JAK1: variants seen among roughly 807,000 people sequenced by gnomAD.
The protein encoded by JAK1 is tyrosine-protein kinase JAK1.
A neutral mutation model predicts 136.6 loss-of-function variants in JAK1; 16 were observed. The observed-to-expected ratio is 0.12, with a 90% CI of 0.08 to 0.18. The LOEUF (loss-of-function observed/expected upper bound fraction) is 0.18, where lower values mean the gene tolerates loss of function less well. Ranked by LOEUF, JAK1 falls within the 10% of genes least tolerant of loss-of-function variation. JAK1 has a pLI of 1.00. For missense variants in JAK1, 859 were observed against 1,450.1 expected (o/e 0.59, Z 6.62); for synonymous variants, 492 against 519.5 (o/e 0.95, Z 0.72).
At chr1:64,937,087 C>T (rs1424913260) in intron 1 of JAK1, among the ~76,000 whole-genome samples, 1 of 151,758 alleles carries the variant, frequency 6.6e-6, no homozygotes, top group African/African-American at 2.4e-5. Context: ...TCCTCCCCAC[C>T]CCCAGTTTGG....
chr1:64,940,573 T>C (rs1969026), intron 1 of JAK1, among the ~76,000 whole-genome samples: 2,906 of 152,232 alleles, frequency 0.019, 30 homozygotes, highest in Non-Finnish European at 0.029. Context: ...CACCTCGGCC[T>C]CCCAAACTGC....
intron 13 of JAK1, 73 bp from the exon 14 acceptor site, chr1:64,846,809 G>T: frequency 1.1e-5 from 13 of 1,189,688 alleles, no homozygotes; most frequent in Non-Finnish European, 1.6e-5. Flanking sequence ...CTCTGTTGAG[G>T]GGAAAGCCAG....
intron 8 of JAK1, among the ~76,000 whole-genome samples, chr1:64,862,725 T>C (rs1656427955): frequency 6.6e-6 from 1 of 152,182 alleles, no homozygotes; most frequent in Non-Finnish European, 1.5e-5. Flanking sequence ...CATGGACATG[T>C]CAGCCTCTCC....
At chr1:64,837,278 T>C (rs1240194641) in intron 22 of JAK1, among the ~76,000 whole-genome samples, 3 of 152,202 alleles carry the variant, frequency 2.0e-5, no homozygotes, top group Non-Finnish European at 4.4e-5. Context: ...TGAGTAAGTT[T>C]AGGCTCCATA....
rs1646576527 is a variant in JAK1, at chr1:64,984,165, A to C, written c.-78+60315T>G. On this transcript the variant is annotated intron_variant, in intron 2 of 25. Coordinates refer to the JAK1 transcript ENST00000671954. The surrounding 1 kb of genome is among the most constrained non-coding windows in gnomAD (Gnocchi z 4.1). ...GGTAAAAATAAATAAAACTCAAGTT[A>C]ATTTGCTGTGTACAGCTGTATGGAA... 6.6e-6 allele frequency among the ~76,000 whole-genome samples: 1 copy of C among 152,218 alleles called. No individual in the cohort carries two copies. The highest frequency in any genetic ancestry group is 1.5e-5 in the Non-Finnish European group (1 of 68,036).
At chr1:64,940,705 C>T (rs1645874448) in intron 1 of JAK1, among the ~76,000 whole-genome samples, 1 of 152,156 alleles carries the variant, frequency 6.6e-6, no homozygotes, top group Non-Finnish European at 1.5e-5. Context: ...GAAATTTAAA[C>T]CCAGGTCTTT....
At chr1:64,977,259 C>T (rs1188389547) in intron 2 of JAK1, among the ~76,000 whole-genome samples, 2 of 152,150 alleles carry the variant, frequency 1.3e-5, no homozygotes, top group Non-Finnish European at 2.9e-5. Context: ...GGCCATCCTC[C>T]CACCTCAGCC....
Position 64,834,561 on chromosome 1 carries a change from C to T in JAK1, c.*1G>A, listed in dbSNP as rs1392797625. 1 of 1,581,572 alleles carries T rather than the reference C, an allele frequency of 6.3e-7. No homozygotes were observed. Among genetic ancestry groups the T allele is most frequent in the East Asian group, 2.2e-5 (1 of 44,644 alleles). On this transcript the variant is annotated 3_prime_UTR_variant, in exon 25 of 25. Coordinates refer to ENST00000342505, the MANE Select transcript of JAK1 (RefSeq NM_002227.4). Reference sequence around the variant, plus strand: ...TGGAATTTAAATGTTATTCATGCTTCTTATTTTAAAAGTGCTTCAAATCCT... The same window carrying T: ...TGGAATTTAAATGTTATTCATGCTTTTTATTTTAAAAGTGCTTCAAATCCT...
rs752145156 is a variant in JAK1 at position 64,860,274 on chromosome 1, G to T, written c.1177-12C>A. ...GAGAGCTTCAGTTCCTGTTGAGAGA[G>T]AAGAAATTCCCACGGTTACATCATG... is the stretch of plus-strand genomic sequence containing the variant. On this transcript the variant is annotated splice_polypyrimidine_tract_variant and intron_variant, in intron 8 of 24. Transcript: ENST00000342505. 6.3e-7 allele frequency: 1 copy of T among 1,595,958 alleles called. No homozygotes were observed. Among genetic ancestry groups the T allele is most frequent in the Non-Finnish European group, 8.6e-7 (1 of 1,169,224 alleles).
chr1:64,999,676 A>T (rs1451667869), intron 2 of JAK1, among the ~76,000 whole-genome samples: 1 of 151,412 alleles, frequency 6.6e-6, no homozygotes, highest in Non-Finnish European at 1.5e-5. Context: ...TCAAGGCTGC[A>T]GTGAGCCATG....
chr1:64,982,124 G>GCA (rs201571086), intron 2 of JAK1, among the ~76,000 whole-genome samples: 7 of 113,220 alleles, frequency 6.2e-5, no homozygotes, highest in African/African-American at 1.1e-4. Context: ...GCACACACAC[G>GCA]CACACACACA....
In JAK1 at chr1:64,838,450, G is replaced by A. The variant is rs751964504; in HGVS notation, c.2967+15C>T. The A allele has an allele frequency of 8.7e-6, 14 of 1,613,088 alleles. No individual in the cohort carries two copies. The highest frequency in any genetic ancestry group is 1.7e-5 in the Admixed American group (1 of 59,922). Reference sequence around the variant, plus strand: ...CTGATGTCTTAATCTGTAACATGATGTCTTTATTTTTTACCTTACAAATCT... The same window carrying A: ...CTGATGTCTTAATCTGTAACATGATATCTTTATTTTTTACCTTACAAATCT... On this transcript the variant is annotated intron_variant, in intron 21 of 24. Transcript: ENST00000342505.
intron 1 of JAK1, among the ~76,000 whole-genome samples, chr1:65,052,620 T>C (rs894606481): frequency 3.9e-5 from 6 of 151,998 alleles, no homozygotes; most frequent in Non-Finnish European, 7.4e-5. Context: ...GAGACCATCC[T>C]GGCTAACACG....
chr1:65,053,183 G>GA, intron 1 of JAK1, among the ~76,000 whole-genome samples: 1 of 142,672 alleles, frequency 7.0e-6, no homozygotes, highest in Admixed American at 7.1e-5. Context: ...CCATCTCTAA[G>GA]AAAAAATACA....
At chr1:64,857,874 A>C in intron 9 of JAK1, 95 bp from the exon 10 acceptor site, 1 of 1,442,792 alleles carries the variant, frequency 6.9e-7, no homozygotes, top group Non-Finnish European at 9.6e-7. Flanking sequence ...CTCAAGTCTT[A>C]ACAGCCCCAT....
At chr1:64,920,796 G>T (rs1645481355) in intron 1 of JAK1, among the ~76,000 whole-genome samples, 1 of 152,078 alleles carries the variant, frequency 6.6e-6, no homozygotes, top group Non-Finnish European at 1.5e-5. Flanking sequence ...CTCCCTGAAG[G>T]CCAATAGGGT....
At chr1:64,978,597 G>A (rs1169873654) in intron 2 of JAK1, among the ~76,000 whole-genome samples, 1 of 152,060 alleles carries the variant, frequency 6.6e-6, no homozygotes, top group Non-Finnish European at 1.5e-5. Context: ...ATGAGATGAT[G>A]GCCTCCTCTG....
intron 1 of JAK1, among the ~76,000 whole-genome samples, chr1:64,956,774 A>C (rs1569725818): frequency 6.6e-6 from 1 of 152,224 alleles, no homozygotes; most frequent in East Asian, 1.9e-4. Context: ...GGACAACTGG[A>C]GCTCAGGCAA....
intron 2 of JAK1, among the ~76,000 whole-genome samples, chr1:64,996,886 G>C (rs575383894): frequency 6.6e-6 from 1 of 152,304 alleles, no homozygotes; most frequent in South Asian, 2.1e-4. Flanking sequence ...TGATGAACAG[G>C]AAAGAAACCT....
Sources: gnomAD v4.1 joint callset for allele counts (sites outside exome capture counted in the v4.1 genomes callset) on GRCh38, gnomAD v4.1.1 for gene constraint, Gnocchi (gnomAD v3.1) non-coding constraint, MANE v1.5 for transcripts, NCBI Gene and HGNC (gene_info 2026-07-23, HGNC 2026-07-21) for gene names.